KIAA1614: variants seen among roughly 807,000 people sequenced by gnomAD.
The protein encoded by KIAA1614 is KIAA1614.
KIAA1614 carries 76 observed loss-of-function variants against 88.7 expected under a neutral mutation model. The observed-to-expected ratio is 0.86, with a 90% confidence interval of 0.71 to 1.04. The LOEUF (loss-of-function observed/expected upper bound fraction) is 1.04, where lower values mean the gene tolerates loss of function less well. Among genes scored for constraint, KIAA1614 ranks in the 50% least tolerant of loss-of-function variants. The pLI, the probability that KIAA1614 is intolerant of heterozygous loss-of-function variation, is 0.00. For synonymous variants in KIAA1614, 714 were observed against 675.5 expected (o/e 1.06, Z -0.88); for missense variants, 1,553 against 1,582.5 (o/e 0.98, Z 0.32).
At chr1:180,944,109 A>G (rs1420246841) in intron 7 of KIAA1614, 6 of 226,428 alleles carry the variant, frequency 2.6e-5, no homozygotes, top group African/African-American at 4.5e-5. Context: ...TAATGAGTAC[A>G]TTAGATTTCC....
rs755843707 is a variant in KIAA1614 at position 180,935,522 on chromosome 1, C to G, written c.1613C>G (p.Ala538Gly). The change falls in exon 5 of 9, where the codon GCC becomes GGC. Residue 538 changes from alanine to glycine, a missense_variant. Coordinates refer to ENST00000367588, the MANE Select transcript of KIAA1614 (RefSeq NM_020950.2). The surrounding 1 kb of genome is among the most constrained non-coding windows in gnomAD (Gnocchi z 6.1). ...PAPGSERRCQACGSCIDDPRP... is the reference protein window; with the variant it reads ...PAPGSERRCQGCGSCIDDPRP... ...CCGGGCAGCGAGAGGAGGTGCCAGG[C>G]CTGCGGCAGCTGCATCGACGACCCG... is the stretch of plus-strand genomic sequence containing the variant. 2 of 1,552,400 alleles carry G rather than the reference C, an allele frequency of 1.3e-6. No homozygotes were observed. The highest frequency in any genetic ancestry group is 2.7e-5 in the African/African-American group (2 of 73,530).
chr1:180,918,760 C>T (rs1653880999), intron 3 of KIAA1614, among the ~76,000 whole-genome samples: 1 of 152,188 alleles, frequency 6.6e-6, no homozygotes, highest in Non-Finnish European at 1.5e-5. Flanking sequence ...TGCACAAATC[C>T]CACTCAGTTA....
chr1:180,935,033 G>T lies in KIAA1614; in HGVS notation c.1206-82G>T. On this transcript the variant is annotated intron_variant, in intron 4 of 8. Coordinates refer to ENST00000367588, the MANE Select transcript of KIAA1614 (RefSeq NM_020950.2). The surrounding 1 kb of genome is among the most constrained non-coding windows in gnomAD (Gnocchi z 6.1). ...GAGCACGGTGGGAGACTGTAGCCCA[G>T]GGTGGAGAGGGTAGGGCCGATGCGT... The T allele has an allele frequency of 1.0e-6, 1 of 998,672 alleles. No homozygotes were observed. The highest frequency in any genetic ancestry group is 4.2e-5 in the South Asian group (1 of 23,992). The allele number at this position is 998,672 out of a possible 1,614,324, so 61.9% of individuals were successfully genotyped here. A position where few individuals can be genotyped will look rare whatever the true frequency, so the allele number is the denominator to read the frequency against.
intron 3 of KIAA1614, among the ~76,000 whole-genome samples, chr1:180,923,990 T>C (rs1654012408): frequency 6.6e-6 from 1 of 151,334 alleles, no homozygotes; most frequent in African/African-American, 2.4e-5. Flanking sequence ...AAAAATTAAA[T>C]GTAACCACTC....
Position 180,949,110 on chromosome 1 carries a change from T to C in KIAA1614, c.*3522T>C, listed in dbSNP as rs1654671708. 6.6e-6 allele frequency: 1 copy of C among 152,314 alleles called. No individual in the cohort carries two copies. The highest frequency in any genetic ancestry group is 2.1e-4 in the South Asian group (1 of 4,836). 9.4% of individuals were successfully genotyped at this position (152,314 alleles called of 1,614,324 possible). A position where few individuals can be genotyped will look rare whatever the true frequency, so the allele number is the denominator to read the frequency against. On this transcript the variant is annotated 3_prime_UTR_variant, in exon 9 of 9. Coordinates refer to ENST00000367588, the MANE Select transcript of KIAA1614 (RefSeq NM_020950.2). ...CAGACCTGATGCCCTTTCGGGCCCC[T>C]GCTAAGAACCTGATTCGAGGAAAAG... is the stretch of plus-strand genomic sequence containing the variant.
At chr1:180,936,736 C>A in intron 5 of KIAA1614, 66 bp downstream of exon 5, 1 of 1,119,802 alleles carries the variant, frequency 8.9e-7, no homozygotes, top group South Asian at 1.6e-5. Context: ...GACGCCCAGA[C>A]CCAATCCATG....
At chr1:180,924,974 C>A (rs762861387) in intron 3 of KIAA1614, among the ~76,000 whole-genome samples, 1 of 151,998 alleles carries the variant, frequency 6.6e-6, no homozygotes, top group Non-Finnish European at 1.5e-5. Context: ...AAAGGAGTCA[C>A]TCTCACTTAT....
In KIAA1614 at chr1:180,936,195, C is replaced by G. The variant is rs746643751; in HGVS notation, c.2286C>G (p.Gly762=). Residue 762 remains glycine (G), a synonymous_variant, in exon 5 of 9, where the codon GGC becomes GGG. Coordinates refer to ENST00000367588, the MANE Select transcript of KIAA1614 (RefSeq NM_020950.2). ...PMTPESSGPG[G]QAQVTESHES... The stretch of plus-strand genomic sequence containing the variant: ...CGCCTGAATCATCGGGGCCAGGAGG[C>G]CAGGCCCAGGTTACAGAAAGCCACG... 6.2e-6 allele frequency: 10 copies of G among 1,614,056 alleles called. No homozygotes were observed. Among genetic ancestry groups the G allele is most frequent in the Non-Finnish European group, 8.5e-6 (10 of 1,180,026 alleles).
At chr1:180,944,602 A>G (rs531880789) in intron 8 of KIAA1614, 86 bp downstream of exon 8, 5 of 1,457,742 alleles carry the variant, frequency 3.4e-6, no homozygotes, top group Non-Finnish European at 3.7e-6. Context: ...CCTCAGCATC[A>G]TGGCTCTGAG....
At chr1:180,915,765 A>G (rs1653779335) in intron 1 of KIAA1614, among the ~76,000 whole-genome samples, 1 of 152,170 alleles carries the variant, frequency 6.6e-6, no homozygotes, top group Non-Finnish European at 1.5e-5. Context: ...AGTGAGCATT[A>G]CCACCTGAGC....
chr1:180,937,766 C>A (rs1229354009), intron 5 of KIAA1614, among the ~76,000 whole-genome samples: 1 of 152,176 alleles, frequency 6.6e-6, no homozygotes, highest in Non-Finnish European at 1.5e-5. Context: ...CTTACACAAA[C>A]CTTGAGGCAA....
chr1:180,928,238 T>A, intron 3 of KIAA1614, 192 bp from the exon 4 acceptor site: 1 of 642,820 alleles, frequency 1.6e-6, no homozygotes, highest in Non-Finnish European at 2.5e-6. Flanking sequence ...CGCAGGGCCA[T>A]TTCCCAGCCC....
Position 180,913,338 on chromosome 1 carries a change from C to A in KIAA1614, c.50+45C>A, listed in dbSNP as rs938870677. On this transcript the variant is annotated intron_variant, in intron 1 of 8. Coordinates refer to ENST00000367588, the MANE Select transcript of KIAA1614 (RefSeq NM_020950.2). The stretch of plus-strand genomic sequence containing the variant: ...CGCCGGGCCGGCCGGGCGGGGGTGG[C>A]GGACCGGCGGGGCGGAGGAGCGGGG... 1.0e-4 allele frequency: 123 copies of A among 1,203,918 alleles called. No homozygotes were observed. The African/African-American group carries it at 1.8e-3, about 17-fold the overall frequency. The allele number at this position is 1,203,918 out of a possible 1,614,324, so 74.6% of individuals were successfully genotyped here.
intron 4 of KIAA1614, among the ~76,000 whole-genome samples, chr1:180,931,477 C>T (rs1237469101): frequency 1.3e-5 from 2 of 152,228 alleles, no homozygotes; most frequent in Non-Finnish European, 2.9e-5. Flanking sequence ...TGGAGCATCA[C>T]CTTGAGAACT....
At chr1:180,928,044 C>G (rs1290295115) in intron 3 of KIAA1614, 5 of 169,476 alleles carry the variant, frequency 3.0e-5, no homozygotes, top group Non-Finnish European at 6.3e-5. Context: ...ACAGGCCCAG[C>G]CCAACAACCC....
chr1:180,920,880 CAG>C (rs1558065117), intron 3 of KIAA1614, among the ~76,000 whole-genome samples: 1 of 152,220 alleles, frequency 6.6e-6, no homozygotes, highest in East Asian at 1.9e-4. Context: ...AGAGAAGGCT[CAG>C]TTGCAGAGGA....
chr1:180,938,462 C>A, intron 5 of KIAA1614, 93 bp from the exon 6 acceptor site: 1 of 1,402,540 alleles, frequency 7.1e-7, no homozygotes, highest in South Asian at 1.3e-5. Context: ...AGCTTCTTCT[C>A]ACCCTCCCCC....
At position 180,916,984 on chromosome 1, in the gene KIAA1614, C is replaced by G; in HGVS notation, c.881C>G (p.Ser294Cys). Residue 294 changes from serine to cysteine, a missense_variant, in exon 2 of 9, where the codon TCT becomes TGT. By Grantham distance (112) the Ser-to-Cys change is moderately radical. Transcript: ENST00000367588. ...LGAGSSVLSL[S>C]DRVERNRLLL... ...GCTGGGAGCAGTGTCTTGTCCCTGTCTGATCGGGTGGAGAGAAACCGCCTG... is the reference window on the plus strand; with the variant it reads ...GCTGGGAGCAGTGTCTTGTCCCTGTGTGATCGGGTGGAGAGAAACCGCCTG... The G allele has an allele frequency of 6.2e-7, 1 of 1,614,138 alleles. No individual in the cohort carries two copies. Among genetic ancestry groups the G allele is most frequent in the Non-Finnish European group, 8.5e-7 (1 of 1,180,044 alleles).
At chr1:180,944,557 G>C in intron 8 of KIAA1614, 41 bp downstream of exon 8, 1 of 1,598,922 alleles carries the variant, frequency 6.3e-7, no homozygotes, top group Non-Finnish European at 8.5e-7. Context: ...AACTCAGAGA[G>C]TGACCAGCGG....
Sources: gnomAD v4.1 joint callset for allele counts (sites outside exome capture counted in the v4.1 genomes callset) on GRCh38, gnomAD v4.1.1 for gene constraint, Gnocchi (gnomAD v3.1) non-coding constraint, MANE v1.5 for transcripts, NCBI Gene and HGNC (gene_info 2026-07-23, HGNC 2026-07-21) for gene names.